Variants in CAMK2B observed in about 807,000 individuals in gnomAD.
CAMK2B encodes the protein calcium/calmodulin dependent protein kinase II beta.
A neutral mutation model predicts 93.7 loss-of-function variants in CAMK2B; 27 were observed. The ratio of observed to expected loss-of-function variants is 0.29; its 90% CI spans 0.21 to 0.40. The LOEUF (loss-of-function observed/expected upper bound fraction) is 0.40. Among genes scored for constraint, CAMK2B ranks in the 10% least tolerant of loss-of-function variants. The pLI is 1.00. For missense variants in CAMK2B, 568 were observed against 895.8 expected (o/e 0.63, Z 4.67); for synonymous variants, 374 against 358.8 (o/e 1.04, Z -0.48).
chr7:44,322,758 C>T (rs989288983), intron 1 of CAMK2B, among the ~76,000 whole-genome samples: 8 of 152,212 alleles, frequency 5.3e-5, no homozygotes, highest in Non-Finnish European at 8.8e-5. Flanking sequence ...GGAGCAGAGA[C>T]AGCAGAAAAG....
chr7:44,270,631 G>A (rs1009548897), intron 2 of CAMK2B, among the ~76,000 whole-genome samples: 16 of 152,224 alleles, frequency 1.1e-4, no homozygotes, highest in African/African-American at 3.4e-4. Context: ...ATCCCACTCG[G>A]GGGCCTCAGT....
At chr7:44,259,059 C>T in intron 3 of CAMK2B, 133 bp from the exon 4 acceptor site, 2 of 808,552 alleles carry the variant, frequency 2.5e-6, no homozygotes, top group Non-Finnish European at 4.1e-6. Flanking sequence ...CTGGGTAGGG[C>T]CCGGGTGGGC....
chr7:44,242,766 G>T, intron 8 of CAMK2B, 112 bp from the exon 9 acceptor site: 1 of 739,840 alleles, frequency 1.4e-6, no homozygotes, highest in African/African-American at 1.7e-5. Context: ...GGGCATTGGG[G>T]TCCTCAGCAT....
At chr7:44,240,598 A>T in intron 12 of CAMK2B, 109 bp downstream of exon 12, 1 of 1,268,308 alleles carries the variant, frequency 7.9e-7, no homozygotes, top group Non-Finnish European at 1.1e-6. Context: ...CGCCGAGGGC[A>T]GGCCTGCCGC....
intron 1 of CAMK2B, among the ~76,000 whole-genome samples, chr7:44,293,473 T>C (rs145326764): frequency 9.5e-4 from 144 of 152,292 alleles, no homozygotes; most frequent in African/African-American, 3.4e-3. Flanking sequence ...GTACAGGTTT[T>C]CCTCCCATAT....
chr7:44,236,915 G>T (rs2096631296), intron 13 of CAMK2B, among the ~76,000 whole-genome samples: 1 of 152,234 alleles, frequency 6.6e-6, no homozygotes, highest in African/African-American at 2.4e-5. Flanking sequence ...GCCTCGCCTT[G>T]AGGACATTTG....
At chr7:44,272,284 A>G (rs2096982209) in intron 2 of CAMK2B, among the ~76,000 whole-genome samples, 1 of 152,126 alleles carries the variant, frequency 6.6e-6, no homozygotes, top group South Asian at 2.1e-4. Context: ...CTCTGAGGGC[A>G]GCACAAGTCT....
rs1483027166 is a variant in CAMK2B at position 44,325,409 on chromosome 7, C to T, written c.13G>A (p.Val5Met). ...TCGTCGGTGAAGCGGGTGCAGGTCACCGTGGTGGCCATGGCGGCGGCGGAC... is the reference window on the plus strand; with the variant it reads ...TCGTCGGTGAAGCGGGTGCAGGTCATCGTGGTGGCCATGGCGGCGGCGGAC... MATT[V>M]TCTRFTDEYQ... Residue 5 changes from valine (V) to methionine (M), a missense_variant, in exon 1 of 24, where the codon GTG (valine) becomes ATG (methionine). Transcript: ENST00000395749. The T allele has an allele frequency of 2.5e-6, 3 of 1,183,128 alleles. No homozygotes were observed. Among genetic ancestry groups the T allele is most frequent in the Middle Eastern group, 5.2e-4 (2 of 3,846 alleles). The allele number at this position is 1,183,128 out of a possible 1,614,324, so 73.3% of individuals were successfully genotyped here.
intron 2 of CAMK2B, among the ~76,000 whole-genome samples, chr7:44,281,453 C>T (rs535536204): frequency 1.3e-5 from 2 of 152,302 alleles, no homozygotes; most frequent in South Asian, 4.1e-4. Context: ...CCGCAGATGA[C>T]CACACTGACC....
chr7:44,240,093 A>T (rs2096662736), intron 12 of CAMK2B, among the ~76,000 whole-genome samples: 2 of 152,094 alleles, frequency 1.3e-5, no homozygotes, highest in African/African-American at 4.8e-5. Flanking sequence ...GACGACGGAG[A>T]AGCCACAGGT....
intron 1 of CAMK2B, among the ~76,000 whole-genome samples, chr7:44,304,354 A>G (rs1790875929): frequency 6.6e-6 from 1 of 152,248 alleles, no homozygotes; most frequent in African/African-American, 2.4e-5. Context: ...GATGTCCTTC[A>G]GCAAGCAAAT....
At chr7:44,293,230 C>T (rs1057385575) in intron 1 of CAMK2B, among the ~76,000 whole-genome samples, 1 of 152,246 alleles carries the variant, frequency 6.6e-6, no homozygotes, top group Admixed American at 6.5e-5. Context: ...TACTGAGCGC[C>T]GGCTCATCCT....
At chr7:44,289,870 T>C (rs959502905) in intron 1 of CAMK2B, among the ~76,000 whole-genome samples, 3 of 152,204 alleles carry the variant, frequency 2.0e-5, no homozygotes, top group Non-Finnish European at 2.9e-5. Context: ...TGGATTCCGT[T>C]CCCTTAGTGG....
chr7:44,258,746 A>G, intron 4 of CAMK2B, 126 bp downstream of exon 4: 1 of 791,434 alleles, frequency 1.3e-6, no homozygotes. Flanking sequence ...CAGCAGCAGA[A>G]GCACACTCAA....
intron 2 of CAMK2B, among the ~76,000 whole-genome samples, chr7:44,265,243 G>A (rs1018806176): frequency 6.6e-6 from 1 of 152,220 alleles, no homozygotes; most frequent in Non-Finnish European, 1.5e-5. Flanking sequence ...GCACTCAGGT[G>A]CGTCTCATAA....
At chr7:44,221,883 C>T (rs946221874) in intron 20 of CAMK2B, among the ~76,000 whole-genome samples, 10 of 152,206 alleles carry the variant, frequency 6.6e-5, no homozygotes, top group African/African-American at 1.9e-4. Flanking sequence ...CCACACTCTA[C>T]GGATTCAAAT....
rs771083993 is a variant in CAMK2B, at chr7:44,220,186, A to G, written c.1877T>C (p.Ile626Thr). The G allele has an allele frequency of 3.1e-6, 5 of 1,612,926 alleles. No homozygotes were observed. The highest frequency in any genetic ancestry group is 4.2e-6 in the Non-Finnish European group (5 of 1,180,002). ...CIAYIRLTQYIDGQGRPRTSQ... is the reference protein window; with the variant it reads ...CIAYIRLTQYTDGQGRPRTSQ... ...GGTGCGGGGCCGGCCCTGCCCGTCA[A>G]TGTACTGCGTGAGCCGGATGTAAGC... is the stretch of plus-strand genomic sequence containing the variant. Residue 626 changes from isoleucine (I) to threonine (T), a missense_variant, in exon 23 of 24, where the codon ATT (isoleucine) becomes ACT (threonine). Ile to Thr is a moderately conservative substitution (Grantham distance 89). This residue lies in a region of CAMK2B where 116 missense variants were observed against 188.0 expected (regional missense o/e 0.62). Transcript: ENST00000395749.
chr7:44,284,351 G>A (rs191012330), intron 1 of CAMK2B, 126 bp from the exon 2 acceptor site: 29 of 693,978 alleles, frequency 4.2e-5, no homozygotes, highest in Non-Finnish European at 5.6e-5. Context: ...GCCTCGGGCA[G>A]ATGGCTGTGA....
intron 1 of CAMK2B, among the ~76,000 whole-genome samples, chr7:44,285,449 C>A (rs1037555858): frequency 2.0e-5 from 3 of 152,142 alleles, no homozygotes; most frequent in Non-Finnish European, 2.9e-5. Context: ...AGCCTCCCCC[C>A]TACAGGAACA....
Sources: gnomAD v4.1 joint callset for allele counts (sites outside exome capture counted in the v4.1 genomes callset) on GRCh38, gnomAD v4.1.1 for gene constraint, gnomAD v4.1.1 regional missense constraint, MANE v1.5 for transcripts, NCBI Gene and HGNC (gene_info 2026-07-23, HGNC 2026-07-21) for gene names.